Variants in BTRC observed in about 807,000 individuals in gnomAD.
BTRC encodes the protein beta-transducin repeat containing E3 ubiquitin protein ligase, also known as F-box/WD repeat-containing protein 1A.
BTRC carries 42 observed loss-of-function variants against 85.5 expected under a neutral mutation model. The observed-to-expected ratio is 0.49, with a 90% CI of 0.38 to 0.64. The LOEUF (loss-of-function observed/expected upper bound fraction) is 0.64. Ranked by LOEUF, BTRC falls within the 30% of genes least tolerant of loss-of-function variation. The pLI is 0.00. For synonymous variants in BTRC, 255 were observed against 263.3 expected (o/e 0.97, Z 0.30); for missense variants, 594 against 743.5 (o/e 0.80, Z 2.34).
intron 4 of BTRC, among the ~76,000 whole-genome samples, chr10:101,505,535 G>T (rs1429180295): frequency 6.6e-6 from 1 of 151,578 alleles, no homozygotes; most frequent in Admixed American, 6.6e-5. Context: ...CAGGAGAATG[G>T]CGTGAACCTA....
chr10:101,354,492 C>T (rs1590189704), intron 1 of BTRC: 2 of 486,566 alleles, frequency 4.1e-6, no homozygotes, highest in East Asian at 3.7e-5. Context: ...GGGCTCCAGG[C>T]GGCGCGCGGG....
intron 1 of BTRC, among the ~76,000 whole-genome samples, chr10:101,385,822 C>G (rs1022935368): frequency 2.8e-4 from 36 of 130,866 alleles, no homozygotes; most frequent in African/African-American, 8.7e-4. Flanking sequence ...GAACCCTGAT[C>G]TAGCTTGTTT....
intron 1 of BTRC, among the ~76,000 whole-genome samples, chr10:101,421,240 C>T (rs1444152181): frequency 2.0e-5 from 3 of 152,018 alleles, no homozygotes; most frequent in Non-Finnish European, 4.4e-5. Context: ...AATATAATAA[C>T]CTCTTGGGTG....
chr10:101,384,091 A>G (rs1039752083), intron 1 of BTRC, among the ~76,000 whole-genome samples: 2 of 152,228 alleles, frequency 1.3e-5, no homozygotes, highest in African/African-American at 4.8e-5. Flanking sequence ...GAAGTAACCA[A>G]ATTAGGTATC....
In BTRC at chr10:101,536,536, C is replaced by T. The variant is rs1311743755; in HGVS notation, c.1467-7C>T. On this transcript the variant is annotated splice_region_variant and splice_polypyrimidine_tract_variant and intron_variant, in intron 11 of 14. Transcript: ENST00000370187. ...GAAAATTCACCTGACTTAATTTTCT[C>T]TTCCAGATTATGGGACATAGAATGT... The T allele has an allele frequency of 6.2e-6, 10 of 1,603,878 alleles. No individual in the cohort carries two copies. The highest frequency in any genetic ancestry group is 8.5e-6 in the Non-Finnish European group (10 of 1,171,164).
intron 1 of BTRC, among the ~76,000 whole-genome samples, chr10:101,404,705 A>G (rs1358111549): frequency 3.9e-5 from 6 of 152,064 alleles, no homozygotes; most frequent in African/African-American, 9.7e-5. Flanking sequence ...TCAGTTCTCA[A>G]AGTCTATGCC....
intron 1 of BTRC, among the ~76,000 whole-genome samples, chr10:101,381,962 C>CTTTTTTTTTTTTTTTTTTTTT (rs71016314): frequency 4.1e-5 from 2 of 49,106 alleles, no homozygotes; most frequent in African/African-American, 2.2e-4. Context: ...CTAAGAATGT[C>CTTTTTTTTTTTTTTTTTTTTT]TTTTTTTTTT....
Position 101,475,953 on chromosome 10 carries a change from A to T in BTRC, c.235-3415A>T, listed in dbSNP as rs12260783. On this transcript the variant is annotated intron_variant, in intron 3 of 14. Transcript: ENST00000370187. ...TATATATATATATATATATATATAT[A>T]TTCAGTAATTCCTAAGGGGAAAATA... Among the ~76,000 whole-genome samples, 351 of 133,552 alleles carry T rather than the reference A, an allele frequency of 2.6e-3. 2 individuals are homozygous for T. Among genetic ancestry groups the T allele is most frequent in the African/African-American group, 6.1e-3 (206 of 33,830 alleles). 87.6% of individuals were successfully genotyped at this position (133,552 alleles called of 152,430 possible).
chr10:101,488,678 A>G (rs1946052203), intron 4 of BTRC, among the ~76,000 whole-genome samples: 2 of 152,170 alleles, frequency 1.3e-5, no homozygotes, highest in Non-Finnish European at 1.5e-5. Context: ...GCTTACTGTA[A>G]AAGCAAGTAA....
chr10:101,458,338 T>G (rs1945133678), intron 2 of BTRC, among the ~76,000 whole-genome samples: 1 of 152,146 alleles, frequency 6.6e-6, no homozygotes, highest in South Asian at 2.1e-4. Flanking sequence ...AACAAATCAG[T>G]GATTTTCAGT....
intron 1 of BTRC, among the ~76,000 whole-genome samples, chr10:101,400,900 C>T (rs1943477518): frequency 6.6e-6 from 1 of 151,864 alleles, no homozygotes; most frequent in African/African-American, 2.4e-5. Context: ...TTTTTCCGTC[C>T]CCACTATCCT....
intron 2 of BTRC, among the ~76,000 whole-genome samples, chr10:101,437,480 A>T (rs963681449): frequency 6.6e-6 from 1 of 152,236 alleles, no homozygotes; most frequent in African/African-American, 2.4e-5. Flanking sequence ...ATTTAATTAA[A>T]TTATGAGATA....
chr10:101,360,460 G>A (rs181026758), intron 1 of BTRC, among the ~76,000 whole-genome samples: 27 of 142,994 alleles, frequency 1.9e-4, no homozygotes, highest in African/African-American at 6.8e-4. Context: ...TGCAACCTCC[G>A]CTTCCCAGGT....
At chr10:101,503,260 A>T (rs907306751) in intron 4 of BTRC, among the ~76,000 whole-genome samples, 3 of 152,208 alleles carry the variant, frequency 2.0e-5, no homozygotes, top group Non-Finnish European at 4.4e-5. Flanking sequence ...TTTTGGTTAT[A>T]GAAATGCATT....
At chr10:101,395,068 T>C (rs1943330260) in intron 1 of BTRC, among the ~76,000 whole-genome samples, 1 of 152,168 alleles carries the variant, frequency 6.6e-6, no homozygotes, top group African/African-American at 2.4e-5. Flanking sequence ...TTGTATCATC[T>C]TGTGTATAGC....
At chr10:101,506,391 C>A (rs1946542372) in intron 4 of BTRC, among the ~76,000 whole-genome samples, 1 of 152,138 alleles carries the variant, frequency 6.6e-6, no homozygotes, top group Non-Finnish European at 1.5e-5. Context: ...CTCTGTCCTC[C>A]CAAAATTTAG....
At chr10:101,443,035 C>T (rs986623755) in intron 2 of BTRC, among the ~76,000 whole-genome samples, 3 of 151,980 alleles carry the variant, frequency 2.0e-5, no homozygotes, top group Non-Finnish European at 2.9e-5. Context: ...GCACCCGCCA[C>T]CATGCCCGGC....
At chr10:101,368,522 C>T (rs938541335) in intron 1 of BTRC, among the ~76,000 whole-genome samples, 18 of 140,628 alleles carry the variant, frequency 1.3e-4, no homozygotes, top group African/African-American at 4.8e-4. Flanking sequence ...CTCTGTTGCC[C>T]AGGCCGGAGT....
intron 3 of BTRC, among the ~76,000 whole-genome samples, chr10:101,475,953 A>ATATATATATATATTTT (rs1265691229): frequency 7.5e-6 from 1 of 133,806 alleles, no homozygotes; most frequent in African/African-American, 2.9e-5. Context: ...ATATATATAT[A>ATATATATATATATTTT]TTCAGTAATT....
Sources: allele counts gnomAD v4.1 joint callset (sites outside exome capture counted in the v4.1 genomes callset), GRCh38; gene constraint gnomAD v4.1.1; transcripts MANE v1.5; gene names NCBI Gene and HGNC (gene_info 2026-07-23, HGNC 2026-07-21).